The following KSR2 variants were observed in gnomAD, a reference collection of about 807,000 sequenced individuals.
KSR2 encodes kinase suppressor of ras 2.
Under a neutral mutation model 107.8 loss-of-function variants are expected in KSR2, and 25 were observed. The ratio of observed to expected loss-of-function variants is 0.23; its 90% CI spans 0.17 to 0.32. The LOEUF (loss-of-function observed/expected upper bound fraction) is 0.32. Ranked by LOEUF, KSR2 falls within the 10% of genes least tolerant of loss-of-function variation. The pLI is 1.00. For missense variants in KSR2, 887 were observed against 1,268.9 expected, an observed-to-expected ratio of 0.70 and a Z score of 4.57; for synonymous variants, 480 against 507.0, an observed-to-expected ratio of 0.95 and a Z score of 0.71.
At chr12:117,807,300 T>TA (rs1313394972) in intron 3 of KSR2, among the ~76,000 whole-genome samples, 2 of 151,956 alleles carry the variant, frequency 1.3e-5, no homozygotes, top group African/African-American at 4.8e-5. Context: ...CCCCTACATC[T>TA]AAAAAACCAG....
intron 5 of KSR2, among the ~76,000 whole-genome samples, chr12:117,598,762 T>C (rs1880782018): frequency 1.3e-5 from 2 of 152,138 alleles, no homozygotes; most frequent in Non-Finnish European, 1.5e-5. Flanking sequence ...TTGAGAACAG[T>C]ATATTCATGC....
chr12:117,785,267 T>C (rs1304762829), intron 3 of KSR2, among the ~76,000 whole-genome samples: 3 of 151,760 alleles, frequency 2.0e-5, no homozygotes, highest in Non-Finnish European at 4.4e-5. Flanking sequence ...ATACAAAAAT[T>C]AGCTGGGCAT....
At position 117,464,279 on chromosome 12, in the gene KSR2, G is replaced by A. The variant is rs1566117363; in HGVS notation, c.*2920C>T. 1.3e-5 allele frequency: 2 copies of A among 152,142 alleles called. No individual in the cohort carries two copies. The highest frequency in any genetic ancestry group is 2.9e-5 in the Non-Finnish European group (2 of 68,014). 9.4% of individuals were successfully genotyped at this position (152,142 alleles called of 1,614,324 possible). On this transcript the variant is annotated 3_prime_UTR_variant, in exon 20 of 20. Transcript: ENST00000339824. ...CTTCACCCTGTGGACTGGTCCCCTC[G>A]GGAAGCCCATGTATATGACGGTTTG...
At position 117,747,748 on chromosome 12, in the gene KSR2, T is replaced by G. The variant is rs577683625; in HGVS notation, c.986+13263A>C. On this transcript the variant is annotated intron_variant, in intron 4 of 19. Transcript: ENST00000339824. ...GAGGAATTGCAAATTAAAACCACAA[T>G]GAGATCTCACTTCATACCTGTCAAG... Among the ~76,000 whole-genome samples, 333 of 152,168 alleles carry G rather than the reference T, an allele frequency of 2.2e-3. 1 individual carries two copies. Among genetic ancestry groups the G allele is most frequent in the African/African-American group, 7.4e-3 (308 of 41,516 alleles).
chr12:117,739,446 C>G (rs537690693), intron 4 of KSR2, among the ~76,000 whole-genome samples: 17 of 152,330 alleles, frequency 1.1e-4, no homozygotes, highest in Admixed American at 3.9e-4. Context: ...CAATTTCCAG[C>G]TCCATTATAA....
intron 5 of KSR2, among the ~76,000 whole-genome samples, chr12:117,652,171 G>C (rs553802942): frequency 6.6e-6 from 1 of 152,248 alleles, no homozygotes; most frequent in South Asian, 2.1e-4. Flanking sequence ...AGTGTGGGAG[G>C]GGGGCGAGGG....
At chr12:117,623,735 GTA>G in intron 5 of KSR2, among the ~76,000 whole-genome samples, 1 of 152,310 alleles carries the variant, frequency 6.6e-6, no homozygotes, top group South Asian at 2.1e-4. Context: ...AATCCTTTGG[GTA>G]TATACCCAGT....
At chr12:117,499,009 G>A (rs1485257906) in intron 14 of KSR2, among the ~76,000 whole-genome samples, 1 of 152,218 alleles carries the variant, frequency 6.6e-6, no homozygotes, top group Admixed American at 6.5e-5. Context: ...AATAGACCAT[G>A]AGCCAAGCCC....
chr12:117,622,845 T>G (rs546498525), intron 5 of KSR2, among the ~76,000 whole-genome samples: 1 of 152,356 alleles, frequency 6.6e-6, no homozygotes, highest in South Asian at 2.1e-4. Flanking sequence ...TATATGGTGC[T>G]GAATGCAAGA....
chr12:117,810,810 T>C (rs1891164784), intron 3 of KSR2, among the ~76,000 whole-genome samples: 1 of 152,198 alleles, frequency 6.6e-6, no homozygotes, highest in Non-Finnish European at 1.5e-5. Context: ...GGTGGTGTTA[T>C]TTTTGGTTCC....
rs75774170 is a variant in KSR2 at position 117,712,669 on chromosome 12, C to T, written c.987-45011G>A. The stretch of plus-strand genomic sequence containing the variant: ...GGTAAGGAATTCTACTTCTAGAATA[C>T]CTTCAGACTCAAGACTTCAACATCA... On this transcript the variant is annotated intron_variant, in intron 4 of 19. Transcript: ENST00000339824. Among the ~76,000 whole-genome samples the T allele has an allele frequency of 8.9e-4, 135 of 152,296 alleles. 1 individual carries two copies. Among genetic ancestry groups the T allele is most frequent in the Middle Eastern group, 6.8e-3 (2 of 294 alleles).
chr12:117,509,422 G>A (rs576384841), intron 14 of KSR2, among the ~76,000 whole-genome samples: 32 of 152,288 alleles, frequency 2.1e-4, no homozygotes, highest in African/African-American at 6.7e-4. Context: ...AAAAGGGACC[G>A]AAAGAAAGAG....
intron 5 of KSR2, among the ~76,000 whole-genome samples, chr12:117,637,149 T>A (rs1593077062): frequency 6.6e-6 from 1 of 152,270 alleles, no homozygotes; most frequent in East Asian, 1.9e-4. Flanking sequence ...CCTGGCCAAA[T>A]GAAAGTTAGC....
chr12:117,614,411 G>A (rs1881764330), intron 5 of KSR2, among the ~76,000 whole-genome samples: 1 of 152,176 alleles, frequency 6.6e-6, no homozygotes, highest in Non-Finnish European at 1.5e-5. Context: ...TAAGATACAT[G>A]GAAGGATACA....
chr12:117,499,137 C>T (rs115512719), intron 14 of KSR2, among the ~76,000 whole-genome samples: 1,878 of 152,328 alleles, frequency 0.012, 35 homozygotes, highest in African/African-American at 0.043. Context: ...GATATCAAAA[C>T]GCTGAGATCT....
intron 5 of KSR2, among the ~76,000 whole-genome samples, chr12:117,633,438 A>G (rs1350225080): frequency 1.3e-5 from 2 of 152,214 alleles, no homozygotes; most frequent in Non-Finnish European, 2.9e-5. Flanking sequence ...GTGTCCCAGA[A>G]CTACTATAAC....
chr12:117,710,610 T>C (rs1241014434), intron 4 of KSR2, among the ~76,000 whole-genome samples: 3 of 152,168 alleles, frequency 2.0e-5, no homozygotes, highest in African/African-American at 7.2e-5. Context: ...GGGTGGGGTT[T>C]TGGGCATGCA....
intron 1 of KSR2, among the ~76,000 whole-genome samples, chr12:117,917,255 T>C (rs1276106549): frequency 6.6e-6 from 1 of 152,188 alleles, no homozygotes; most frequent in South Asian, 2.1e-4. Context: ...TAAAGTCTAT[T>C]CCAGGCTGAG....
At chr12:117,735,715 C>T (rs1189296185) in intron 4 of KSR2, among the ~76,000 whole-genome samples, 1 of 152,134 alleles carries the variant, frequency 6.6e-6, no homozygotes, top group East Asian at 1.9e-4. Context: ...GAAAGTGCAT[C>T]TATAAGATAG....
Sources: gnomAD v4.1 joint callset for allele counts (sites outside exome capture counted in the v4.1 genomes callset) on GRCh38, gnomAD v4.1.1 for gene constraint, MANE v1.5 for transcripts, NCBI Gene and HGNC (gene_info 2026-07-23, HGNC 2026-07-21) for gene names.